Variants in SYT14 observed in about 807,000 individuals in gnomAD.
The protein encoded by SYT14 is synaptotagmin 14, also known as synaptotagmin-14.
In SYT14, 32 loss-of-function variants were observed where a neutral mutation model predicts 74.2. That is an observed-to-expected ratio of 0.43 (90% CI 0.33 to 0.58). The LOEUF (loss-of-function observed/expected upper bound fraction) is 0.58, where lower values mean the gene tolerates loss of function less well. Ranked by LOEUF, SYT14 falls within the 20% of genes least tolerant of loss-of-function variation. The probability of loss-of-function intolerance (pLI) is 0.05; values close to 1 mark genes in which losing one functional copy is unlikely to be tolerated. For synonymous variants in SYT14, 298 were observed against 337.7 expected, an observed-to-expected ratio of 0.88 and a Z score of 1.29; for missense variants, 791 against 981.8, an observed-to-expected ratio of 0.81 and a Z score of 2.60.
intron 5 of SYT14, among the ~76,000 whole-genome samples, chr1:210,050,825 C>T (rs2080980326): frequency 6.6e-6 from 1 of 152,140 alleles, no homozygotes; most frequent in Non-Finnish European, 1.5e-5. Flanking sequence ...TAATTCAATC[C>T]CTTTCCATTG....
intron 5 of SYT14, among the ~76,000 whole-genome samples, chr1:210,034,874 G>C (rs191534081): frequency 3.3e-4 from 50 of 151,818 alleles, no homozygotes; most frequent in Non-Finnish European, 6.2e-4. Context: ...TCAATCCTCT[G>C]TTGATGAACA....
chr1:209,960,948 G>A (rs1305893690), intron 2 of SYT14, among the ~76,000 whole-genome samples: 1 of 152,138 alleles, frequency 6.6e-6, no homozygotes, highest in Non-Finnish European at 1.5e-5. Flanking sequence ...TAGGGGAGAG[G>A]CTGAACTTGG....
chr1:210,049,423 AT>A (rs1384946216), intron 5 of SYT14, among the ~76,000 whole-genome samples: 8 of 140,414 alleles, frequency 5.7e-5, no homozygotes, highest in South Asian at 2.3e-4. Context: ...GTGGATTTTG[AT>A]TTTTTTTCTT....
At chr1:210,087,122 C>G (rs958937569) in intron 5 of SYT14, among the ~76,000 whole-genome samples, 1 of 152,096 alleles carries the variant, frequency 6.6e-6, no homozygotes, top group African/African-American at 2.4e-5. Context: ...ATCGTCCTAT[C>G]TAGGCCCTGA....
At chr1:210,112,373 A>G (rs2082279680) in intron 7 of SYT14, among the ~76,000 whole-genome samples, 1 of 151,464 alleles carries the variant, frequency 6.6e-6, no homozygotes, top group Non-Finnish European at 1.5e-5. Context: ...TGGAAAGGAA[A>G]TGAGAGGTTC....
chr1:209,955,268 C>A (rs1475274172), intron 2 of SYT14, among the ~76,000 whole-genome samples: 2 of 152,144 alleles, frequency 1.3e-5, no homozygotes, highest in African/African-American at 4.8e-5. Flanking sequence ...ATGTCTGTTA[C>A]AATAACAACT....
chr1:209,958,688 A>T (rs2079029827), intron 2 of SYT14, among the ~76,000 whole-genome samples: 1 of 152,322 alleles, frequency 6.6e-6, no homozygotes, highest in South Asian at 2.1e-4. Flanking sequence ...AATTAGTGTT[A>T]TATGTAGCTA....
At chr1:210,031,649 T>C (rs2080537938) in intron 5 of SYT14, among the ~76,000 whole-genome samples, 1 of 152,200 alleles carries the variant, frequency 6.6e-6, no homozygotes, top group Non-Finnish European at 1.5e-5. Context: ...TGTGTTTTAA[T>C]GAATTGGTTT....
intron 2 of SYT14, among the ~76,000 whole-genome samples, chr1:209,976,651 G>A (rs7412594): frequency 0.45 from 68,940 of 151,688 alleles, 16,964 homozygotes; most frequent in Non-Finnish European, 0.56. Context: ...GAATAAGTAC[G>A]GCATGGTGCT....
intron 5 of SYT14, among the ~76,000 whole-genome samples, chr1:210,067,299 G>A (rs2081314199): frequency 6.6e-6 from 1 of 151,888 alleles, no homozygotes; most frequent in Non-Finnish European, 1.5e-5. Flanking sequence ...AATTCCGTAT[G>A]GATTTTAGAA....
chr1:210,147,801 A>C (rs2083071752), intron 7 of SYT14, among the ~76,000 whole-genome samples: 1 of 152,076 alleles, frequency 6.6e-6, no homozygotes, highest in Non-Finnish European at 1.5e-5. Context: ...GTACTATTAA[A>C]TAAGGGTCAA....
At chr1:210,139,276 T>C (rs979907551) in intron 7 of SYT14, among the ~76,000 whole-genome samples, 2 of 147,576 alleles carry the variant, frequency 1.4e-5, no homozygotes, top group African/African-American at 5.0e-5. Context: ...TTTTTTTTTT[T>C]TTTTTTTTTT....
chr1:210,135,239 C>T (rs2082759776), intron 7 of SYT14, among the ~76,000 whole-genome samples: 1 of 152,198 alleles, frequency 6.6e-6, no homozygotes, highest in Admixed American at 6.5e-5. Flanking sequence ...GCCTCACCCT[C>T]CCAAGATGCT....
At chr1:210,059,549 A>G (rs911991382) in intron 5 of SYT14, among the ~76,000 whole-genome samples, 1 of 151,228 alleles carries the variant, frequency 6.6e-6, no homozygotes, top group Non-Finnish European at 1.5e-5. Context: ...AATTACTGTC[A>G]GAGTTGTGGG....
intron 8 of SYT14, among the ~76,000 whole-genome samples, chr1:210,156,683 CTTTTTTTTTTTTTTTT>C (rs71146208): frequency 3.6e-5 from 2 of 55,962 alleles, no homozygotes; most frequent in African/African-American, 6.6e-5. Context: ...GTGGCAGCTT[CTTTTTTTTTTTTTTTT>C]TTTTTTTTTT....
intron 4 of SYT14, 35 bp from the exon 4 acceptor site, chr1:210,021,004 C>T: frequency 6.3e-7 from 1 of 1,594,364 alleles, no homozygotes; most frequent in South Asian, 1.1e-5. Context: ...ATTTTTTTTT[C>T]AATTACCGTT....
At chr1:210,131,950 G>T (rs1301970440) in intron 7 of SYT14, among the ~76,000 whole-genome samples, 1 of 151,274 alleles carries the variant, frequency 6.6e-6, no homozygotes, top group African/African-American at 2.4e-5. Flanking sequence ...CTCATACCAG[G>T]CTGGCCCTGA....
intron 7 of SYT14, among the ~76,000 whole-genome samples, chr1:210,118,623 C>T (rs1479541486): frequency 1.3e-5 from 2 of 151,988 alleles, no homozygotes; most frequent in African/African-American, 4.8e-5. Context: ...ATTACAGGCA[C>T]CTGCCACCAT....
At chr1:210,094,461 C>T in exon 6 of SYT14, 2 of 1,613,924 alleles carry the variant, frequency 1.2e-6, no homozygotes, top group East Asian at 2.2e-5. Flanking sequence ...TTTCCCACTG[C>T]AGCAACAGTC....
Sources: gnomAD v4.1 joint callset for allele counts (sites outside exome capture counted in the v4.1 genomes callset) on GRCh38, gnomAD v4.1.1 for gene constraint, MANE v1.5 for transcripts, NCBI Gene and HGNC (gene_info 2026-07-23, HGNC 2026-07-21) for gene names.